Variants in CDK14 observed in about 807,000 individuals in gnomAD.
CDK14 encodes the protein cyclin-dependent kinase 14.
A neutral mutation model predicts 60.7 loss-of-function variants in CDK14; 34 were observed. That is an observed-to-expected ratio of 0.56 (90% CI 0.43 to 0.75). The LOEUF is 0.75. Among genes scored for constraint, CDK14 ranks in the 30% least tolerant of loss-of-function variants. The pLI is 0.00. For missense variants in CDK14, 482 were observed against 564.1 expected (o/e 0.85, Z 1.47); for synonymous variants, 197 against 203.7 (o/e 0.97, Z 0.28).
At chr7:91,086,763 A>G (rs1798654321) in intron 12 of CDK14, among the ~76,000 whole-genome samples, 1 of 152,030 alleles carries the variant, frequency 6.6e-6, no homozygotes, top group African/African-American at 2.4e-5. Flanking sequence ...AAATGCAGTC[A>G]TTTTTACCTC....
At chr7:90,615,570 T>A (rs952454819) in intron 2 of CDK14, among the ~76,000 whole-genome samples, 9 of 152,214 alleles carry the variant, frequency 5.9e-5, no homozygotes, top group Non-Finnish European at 1.0e-4. Context: ...CTTTCAATTA[T>A]GTTTTGGTAT....
rs373845214 is a variant in CDK14, at chr7:90,954,147, T to A, written c.827-1550T>A. On this transcript the variant is annotated intron_variant, in intron 8 of 14. Coordinates refer to ENST00000380050, the MANE Select transcript of CDK14 (RefSeq NM_001287135.2). ...CCATTGCATTATTATTAAAACTGAC[T>A]GGTAGAAAAAAATTAGGGCACTGTA... Among the ~76,000 whole-genome samples, 17 of 152,264 alleles carry A rather than the reference T, an allele frequency of 1.1e-4. No homozygotes were observed. The East Asian group carries it at 3.3e-3, about 29-fold the overall frequency.
intron 8 of CDK14, among the ~76,000 whole-genome samples, chr7:90,940,075 C>CT (rs999784894): frequency 3.0e-4 from 45 of 151,976 alleles, no homozygotes; most frequent in African/African-American, 9.9e-4. Flanking sequence ...TTCTTTCTCT[C>CT]TTTTTTTTCT....
intron 11 of CDK14, among the ~76,000 whole-genome samples, chr7:91,058,964 G>T (rs2116100226): frequency 6.6e-6 from 1 of 152,366 alleles, no homozygotes; most frequent in East Asian, 1.9e-4. Context: ...GATTGGAGTA[G>T]CTTCAGAAGG....
intron 7 of CDK14, among the ~76,000 whole-genome samples, chr7:90,901,055 C>G (rs926535637): frequency 6.6e-6 from 1 of 152,094 alleles, no homozygotes; most frequent in African/African-American, 2.4e-5. Context: ...AGAAATGGGT[C>G]TCAAGGTTAC....
intron 2 of CDK14, among the ~76,000 whole-genome samples, chr7:90,607,315 G>T (rs1479616590): frequency 6.6e-6 from 1 of 152,144 alleles, no homozygotes; most frequent in Admixed American, 6.5e-5. Flanking sequence ...TGAGGGTTGG[G>T]TCAGCTTCTT....
At chr7:90,881,600 C>A (rs1454242691) in intron 6 of CDK14, among the ~76,000 whole-genome samples, 1 of 152,144 alleles carries the variant, frequency 6.6e-6, no homozygotes, top group African/African-American at 2.4e-5. Context: ...CACTAAGATA[C>A]TCCATGAGAA....
intron 9 of CDK14, among the ~76,000 whole-genome samples, chr7:90,959,806 G>T (rs1193827587): frequency 6.6e-6 from 1 of 152,158 alleles, no homozygotes; most frequent in Non-Finnish European, 1.5e-5. Context: ...ACAACCCTGT[G>T]TGATTTGGGA....
chr7:90,827,260 A>G (rs556687205), intron 5 of CDK14, among the ~76,000 whole-genome samples: 3 of 152,290 alleles, frequency 2.0e-5, no homozygotes, highest in South Asian at 2.1e-4. Context: ...AAGTTCCTGT[A>G]TATCTTTTTG....
chr7:91,024,962 G>A (rs1406223155), intron 10 of CDK14, among the ~76,000 whole-genome samples: 3 of 152,128 alleles, frequency 2.0e-5, no homozygotes, highest in Admixed American at 1.3e-4. Flanking sequence ...CTCCAAATGC[G>A]ATCCAGCCAG....
chr7:90,616,054 A>G (rs1277345836), intron 2 of CDK14, among the ~76,000 whole-genome samples: 2 of 152,126 alleles, frequency 1.3e-5, no homozygotes, highest in Non-Finnish European at 1.5e-5. Flanking sequence ...TTTTTTTGGA[A>G]CAGCTCTTGG....
chr7:91,079,630 T>C (rs563492835), intron 12 of CDK14, 150 bp downstream of exon 12: 24 of 690,778 alleles, frequency 3.5e-5, no homozygotes, highest in Non-Finnish European at 5.7e-5. Flanking sequence ...ACCTTAACTG[T>C]GTGCTAGCTA....
At chr7:90,721,301 A>C (rs1357655979) in intron 2 of CDK14, among the ~76,000 whole-genome samples, 2 of 152,154 alleles carry the variant, frequency 1.3e-5, no homozygotes, top group African/African-American at 4.8e-5. Flanking sequence ...TCTGTATCTT[A>C]AAATCAACCA....
chr7:91,118,417 T>G (rs550696227), intron 14 of CDK14, among the ~76,000 whole-genome samples: 1 of 152,318 alleles, frequency 6.6e-6, no homozygotes, highest in Non-Finnish European at 1.5e-5. Flanking sequence ...ATTATACTTA[T>G]GCTTTTATTT....
rs757602151 is a variant in CDK14 at position 90,740,264 on chromosome 7, T to TAG, written c.370-7416_370-7415insGA. On this transcript the variant is annotated intron_variant, in intron 3 of 14. Coordinates refer to ENST00000380050, the MANE Select transcript of CDK14 (RefSeq NM_001287135.2). ...ATGTATGTGTGTGTGTATATATATA[T>TAG]ATATATAGAGAGAGAGAGAGAGAGA... Among the ~76,000 whole-genome samples, 276 of 114,912 alleles carry TAG rather than the reference T, an allele frequency of 2.4e-3. 1 individual carries two copies. In the East Asian group the frequency reaches 0.025, roughly 11 times the overall value. The allele number at this position is 114,912 out of a possible 152,430, so 75.4% of individuals were successfully genotyped here. A position where few individuals can be genotyped will look rare whatever the true frequency, so the allele number is the denominator to read the frequency against.
At chr7:90,640,461 C>G (rs17865926) in intron 2 of CDK14, among the ~76,000 whole-genome samples, 3 of 151,636 alleles carry the variant, frequency 2.0e-5, no homozygotes, top group African/African-American at 7.3e-5. Context: ...ATTTGTAAGT[C>G]GGTAAAAGAC....
intron 14 of CDK14, among the ~76,000 whole-genome samples, chr7:91,178,244 A>T (rs1178131340): frequency 3.1e-5 from 3 of 97,390 alleles, no homozygotes; most frequent in Non-Finnish European, 6.7e-5. Context: ...GTGCTGGGAA[A>T]ACTGGCTAGC....
At chr7:90,903,942 G>A (rs953452825) in intron 7 of CDK14, among the ~76,000 whole-genome samples, 3 of 152,210 alleles carry the variant, frequency 2.0e-5, no homozygotes, top group Admixed American at 2.0e-4. Context: ...ATGATCTACA[G>A]CATTTCCTGA....
At chr7:90,602,650 G>T (rs1799339886) in intron 1 of CDK14, among the ~76,000 whole-genome samples, 1 of 152,110 alleles carries the variant, frequency 6.6e-6, no homozygotes, top group Admixed American at 6.5e-5. Flanking sequence ...TTTAATGTAG[G>T]TTATTTTAGT....
Sources: gnomAD v4.1 joint callset for allele counts (sites outside exome capture counted in the v4.1 genomes callset) on GRCh38, gnomAD v4.1.1 for gene constraint, MANE v1.5 for transcripts, NCBI Gene and HGNC (gene_info 2026-07-23, HGNC 2026-07-21) for gene names.